LRRIQ4: variants seen among roughly 807,000 people sequenced by gnomAD.
LRRIQ4 encodes leucine-rich repeat and IQ domain-containing protein 4.
A neutral mutation model predicts 40.1 loss-of-function variants in LRRIQ4; 21 were observed. The observed-to-expected ratio is 0.52, with a 90% CI of 0.37 to 0.75. LRRIQ4 has a LOEUF of 0.75. Among genes scored for constraint, LRRIQ4 ranks in the 30% least tolerant of loss-of-function variants. The pLI is 0.00. For synonymous variants in LRRIQ4, 277 were observed against 277.1 expected (o/e 1.00, Z 0.00); for missense variants, 655 against 660.0 (o/e 0.99, Z 0.08).
intron 2 of LRRIQ4, among the ~76,000 whole-genome samples, chr3:169,824,732 CA>C (rs949492902): frequency 2.4e-4 from 36 of 152,102 alleles, no homozygotes; most frequent in African/African-American, 8.4e-4. Context: ...AGGCTGGTCT[CA>C]AACTCCTGGC....
At chr3:169,815,130 T>C (rs999045339) in intron 1 of LRRIQ4, among the ~76,000 whole-genome samples, 2 of 152,220 alleles carry the variant, frequency 1.3e-5, no homozygotes, top group African/African-American at 4.8e-5. Flanking sequence ...TCTTTTGTGG[T>C]TTCATACAAA....
rs944672270 is a variant in LRRIQ4 at position 169,822,322 on chromosome 3, C to T, written c.401C>T (p.Pro134Leu). The change falls in exon 2 of 6, where the codon CCC (proline) becomes CTC (leucine). Residue 134 changes from proline to leucine, a missense_variant. Transcript: ENST00000340806. ...TACCAGACCGACCTGAAGGAAATTC[C>T]CGTCGTCATCTTTAAAAACCTCCAC... ...RLYQTDLKEI[P>L]VVIFKNLHHL... 1 of 1,613,802 alleles carries T rather than the reference C, an allele frequency of 6.2e-7. No homozygotes were observed. Among genetic ancestry groups the T allele is most frequent in the Admixed American group, 1.7e-5 (1 of 59,998 alleles).
chr3:169,835,748 C>G (rs895981370), intron 5 of LRRIQ4, among the ~76,000 whole-genome samples: 1 of 152,094 alleles, frequency 6.6e-6, no homozygotes, highest in Non-Finnish European at 1.5e-5. Flanking sequence ...TTTCACTCCC[C>G]ATCTCCTCTT....
intron 1 of LRRIQ4, among the ~76,000 whole-genome samples, chr3:169,817,636 A>C (rs1299064054): frequency 6.6e-6 from 1 of 152,178 alleles, no homozygotes; most frequent in Non-Finnish European, 1.5e-5. Flanking sequence ...TATATTTATG[A>C]TCGTTATATC....
At chr3:169,830,409 A>AAAAAAAAAAAAAAT in intron 3 of LRRIQ4, 83 bp from the exon 4 acceptor site, 5 of 508,542 alleles carry the variant, frequency 9.8e-6, no homozygotes, top group Middle Eastern at 5.3e-4. Context: ...AAAAAAAAAA[A>AAAAAAAAAAAAAAT]TGCATGAGCA....
chr3:169,834,777 A>G (rs1219905435), intron 5 of LRRIQ4, among the ~76,000 whole-genome samples: 1 of 152,158 alleles, frequency 6.6e-6, no homozygotes, highest in African/African-American at 2.4e-5. Flanking sequence ...GTATACACAT[A>G]TAAGTCTTTC....
At chr3:169,827,142 C>T (rs561189337) in intron 2 of LRRIQ4, among the ~76,000 whole-genome samples, 1 of 152,186 alleles carries the variant, frequency 6.6e-6, no homozygotes, top group South Asian at 2.1e-4. Context: ...GAAGAATGCC[C>T]ATGGGCTCAA....
intron 1 of LRRIQ4, among the ~76,000 whole-genome samples, chr3:169,820,535 C>CT (rs34109206): frequency 0.023 from 2,826 of 123,578 alleles, 72 homozygotes; most frequent in East Asian, 0.066. Context: ...ATATTGACAT[C>CT]TTTTTTTTTT....
In LRRIQ4 at chr3:169,822,327, G is replaced by A. The variant is rs747187885; in HGVS notation, c.406G>A (p.Val136Ile). ...GACCGACCTGAAGGAAATTCCCGTC[G>A]TCATCTTTAAAAACCTCCACCATCT... ...YQTDLKEIPV[V>I]IFKNLHHLEL... Residue 136 changes from valine (V) to isoleucine (I), a missense_variant, in exon 2 of 6, where the codon GTC (valine) becomes ATC (isoleucine). Coordinates refer to ENST00000340806, the MANE Select transcript of LRRIQ4 (RefSeq NM_001080460.3). 6.8e-6 allele frequency: 11 copies of A among 1,613,774 alleles called. No homozygotes were observed. The highest frequency in any genetic ancestry group is 9.3e-6 in the Non-Finnish European group (11 of 1,179,828).
chr3:169,832,608 G>A (rs888772722), intron 4 of LRRIQ4, among the ~76,000 whole-genome samples: 26 of 140,088 alleles, frequency 1.9e-4, no homozygotes, highest in African/African-American at 5.7e-4. Context: ...CTCCAGCCTG[G>A]GCAACAAAGT....
At chr3:169,816,150 G>A (rs1779763945) in intron 1 of LRRIQ4, among the ~76,000 whole-genome samples, 1 of 152,128 alleles carries the variant, frequency 6.6e-6, no homozygotes, top group South Asian at 2.1e-4. Flanking sequence ...TTTGGTTTTG[G>A]TGTCAGGGTA....
chr3:169,815,971 C>A (rs1004952494), intron 1 of LRRIQ4, among the ~76,000 whole-genome samples: 1 of 152,180 alleles, frequency 6.6e-6, no homozygotes, highest in African/African-American at 2.4e-5. Flanking sequence ...GCCATCCTTG[C>A]ATTCCTAAGA....
chr3:169,837,382 A>G, intron 5 of LRRIQ4, 97 bp from the exon 6 acceptor site: 1 of 1,316,162 alleles, frequency 7.6e-7, no homozygotes. Context: ...CATTCTCTCC[A>G]CGTCTTCAAG....
chr3:169,823,091 ACT>A, intron 2 of LRRIQ4, 150 bp downstream of exon 2: 2 of 652,326 alleles, frequency 3.1e-6, no homozygotes, highest in East Asian at 2.9e-5. Flanking sequence ...ACTTTGTATT[ACT>A]CTCTTTTTCC....
rs547165231 is a variant in LRRIQ4, at chr3:169,831,875, G to A, written c.1334-1112G>A. 2.7e-4 allele frequency among the ~76,000 whole-genome samples: 41 copies of A among 151,664 alleles called. 1 individual carries two copies. The highest frequency in any genetic ancestry group is 9.4e-4 in the African/African-American group (39 of 41,374). ...CCAGCTACTTGGGAGGCTGAGGCAG[G>A]AGAATTGCTTGAATCCGGGAGGCAG... On this transcript the variant is annotated intron_variant, in intron 4 of 5. Transcript: ENST00000340806.
chr3:169,826,744 C>T (rs1306997690), intron 2 of LRRIQ4, among the ~76,000 whole-genome samples: 1 of 152,138 alleles, frequency 6.6e-6, no homozygotes, highest in Non-Finnish European at 1.5e-5. Context: ...AGAATGCAGG[C>T]ATTTTGTATT....
chr3:169,833,081 C>G lies in LRRIQ4; in HGVS notation c.1428C>G (p.Asp476Glu). Reference sequence around the variant, plus strand: ...ATCTTAAGGTTCTGACACTGATGGACAATCCCATGGAAGAACCCCCAAAAG... The same window carrying G: ...ATCTTAAGGTTCTGACACTGATGGAGAATCCCATGGAAGAACCCCCAAAAG... Reference protein sequence around the residue: ...LVNLKVLTLMDNPMEEPPKEV... With the variant: ...LVNLKVLTLMENPMEEPPKEV... Residue 476 changes from aspartate to glutamate, a missense_variant, in exon 5 of 6, where the codon GAC becomes GAG. Coordinates refer to ENST00000340806, the MANE Select transcript of LRRIQ4 (RefSeq NM_001080460.3). 2 of 1,613,846 alleles carry G rather than the reference C, an allele frequency of 1.2e-6. No homozygotes were observed. Among genetic ancestry groups the G allele is most frequent in the Non-Finnish European group, 1.7e-6 (2 of 1,179,782 alleles).
Position 169,822,851 on chromosome 3 carries a change from A to G in LRRIQ4, c.930A>G (p.Leu310=), listed in dbSNP as rs779409166. Residue 310 remains leucine, a synonymous_variant, in exon 2 of 6, where the codon CTA becomes CTG. Coordinates refer to ENST00000340806, the MANE Select transcript of LRRIQ4 (RefSeq NM_001080460.3). ...RCLVNLRFLD[L]SQNHLHHCPL... is the part of the protein sequence containing the mutation. ...TGGTCAACTTGCGCTTCCTGGACCT[A>G]AGCCAGAACCATCTGCACCACTGCC... 2 of 1,612,578 alleles carry G rather than the reference A, an allele frequency of 1.2e-6. No homozygotes were observed. Among genetic ancestry groups the G allele is most frequent in the Non-Finnish European group, 1.7e-6 (2 of 1,179,220 alleles).
At chr3:169,815,801 A>T (rs1241650039) in intron 1 of LRRIQ4, among the ~76,000 whole-genome samples, 2 of 152,206 alleles carry the variant, frequency 1.3e-5, no homozygotes, top group African/African-American at 4.8e-5. Context: ...TATCGTGTTG[A>T]GGTATCTTCC....
Sources: gnomAD v4.1 joint callset for allele counts (sites outside exome capture counted in the v4.1 genomes callset) on GRCh38, gnomAD v4.1.1 for gene constraint, MANE v1.5 for transcripts, NCBI Gene and HGNC (gene_info 2026-07-23, HGNC 2026-07-21) for gene names.